Variants in GARNL3 observed in about 807,000 individuals in gnomAD.
GARNL3 encodes the protein GTPase activating Rap/RanGAP domain like 3.
GARNL3 carries 63 observed loss-of-function variants against 125.0 expected under a neutral mutation model. That is an observed-to-expected ratio of 0.50 (90% CI 0.41 to 0.62). The LOEUF is 0.62. GARNL3 is among the 20% of genes least tolerant of loss of function. The pLI is 0.00. For synonymous variants in GARNL3, 439 were observed against 457.5 expected, an observed-to-expected ratio of 0.96 and a Z score of 0.52; for missense variants, 994 against 1,244.0, an observed-to-expected ratio of 0.80 and a Z score of 3.02.
At chr9:127,390,560 AACCAAG>A (rs928824716) in intron 26 of GARNL3, 75 bp from the exon 27 acceptor site, 6 of 1,362,160 alleles carry the variant, frequency 4.4e-6, no homozygotes, top group Non-Finnish European at 2.0e-6. Context: ...ACCAGTTCCC[AACCAAG>A]AAAAAATAAG....
At chr9:127,377,292 G>C (rs1037847753) in intron 22 of GARNL3, among the ~76,000 whole-genome samples, 3 of 152,022 alleles carry the variant, frequency 2.0e-5, no homozygotes, top group Admixed American at 2.0e-4. Context: ...CAAATCTGTA[G>C]AGACATGATG....
upstream of GARNL3, chr9:127,264,202 A>T: frequency 2.6e-6 from 1 of 387,268 alleles, no homozygotes; most frequent in Non-Finnish European, 4.6e-6. Flanking sequence ...ATACTAACTA[A>T]TAAGATTTGT....
chr9:127,385,088 G>A lies in GARNL3; in HGVS notation c.2331G>A (p.Val777=), dbSNP rs1438824022. The change falls in exon 24 of 28, where the codon GTG becomes GTA. Residue 777 remains valine (V), a synonymous_variant. Coordinates refer to ENST00000373387, the MANE Select transcript of GARNL3 (RefSeq NM_032293.5). The surrounding 1 kb of genome is among the most constrained non-coding windows in gnomAD (Gnocchi z 4.1). Reference sequence around the variant, plus strand: ...ACTCCATGGAGATCCGCCTGGTGGTGAACGGGAACCTGGTCCACACTGCAG... The same window carrying A: ...ACTCCATGGAGATCCGCCTGGTGGTAAACGGGAACCTGGTCCACACTGCAG... ...TTDSMEIRLV[V]NGNLVHTAVV... is the part of the protein sequence containing the mutation. The A allele has an allele frequency of 1.9e-6, 3 of 1,612,908 alleles. No homozygotes were observed. The East Asian group carries it at 6.7e-5, about 36-fold the overall frequency.
At chr9:127,353,280 G>GA (rs1588914180) in intron 17 of GARNL3, among the ~76,000 whole-genome samples, 1 of 152,072 alleles carries the variant, frequency 6.6e-6, no homozygotes, top group Admixed American at 6.5e-5. Context: ...ATTCCTTTGG[G>GA]AAAAAATACT....
Position 127,265,030 on chromosome 9 carries a change from A to C in GARNL3, c.144+9A>C. 1 of 1,610,910 alleles carries C rather than the reference A, an allele frequency of 6.2e-7. No homozygotes were observed. The highest frequency in any genetic ancestry group is 8.5e-7 in the Non-Finnish European group (1 of 1,178,080). On this transcript the variant is annotated intron_variant, in intron 1 of 27. Transcript: ENST00000373387. Reference sequence around the variant, plus strand: ...ATGGATCTGTGGAGCTGGTAAGTTTATGCTGTCTGTTCAGTGGTAGTACAT... The same window carrying C: ...ATGGATCTGTGGAGCTGGTAAGTTTCTGCTGTCTGTTCAGTGGTAGTACAT...
At chr9:127,362,796 T>C (rs537565710) in intron 21 of GARNL3, 1 of 152,274 alleles carries the variant, frequency 6.6e-6, no homozygotes, top group Non-Finnish European at 1.5e-5. Context: ...CAGCCAACAT[T>C]GAGCATTTAC....
intron 1 of GARNL3, among the ~76,000 whole-genome samples, chr9:127,231,814 G>C (rs2063024392): frequency 1.3e-5 from 2 of 152,204 alleles, no homozygotes; most frequent in South Asian, 4.1e-4. Context: ...GCATAGATAG[G>C]AGGAGGGCTT....
chr9:127,383,898 C>T (rs1832404951), intron 23 of GARNL3, among the ~76,000 whole-genome samples: 1 of 152,176 alleles, frequency 6.6e-6, no homozygotes, highest in African/African-American at 2.4e-5. Context: ...CCTCAAAATG[C>T]TGACTGACCT....
intron 16 of GARNL3, among the ~76,000 whole-genome samples, chr9:127,346,777 C>G (rs992295389): frequency 6.6e-6 from 1 of 152,174 alleles, no homozygotes; most frequent in Non-Finnish European, 1.5e-5. Flanking sequence ...CCAGAGCCCC[C>G]TGCTGTTCCC....
chr9:127,288,653 G>A (rs2064321526), intron 1 of GARNL3, among the ~76,000 whole-genome samples: 2 of 152,170 alleles, frequency 1.3e-5, no homozygotes, highest in Admixed American at 6.5e-5. Flanking sequence ...CCATCAAATC[G>A]TTAAATTTGT....
At chr9:127,245,988 C>T (rs2063296651) in intron 2 of GARNL3, among the ~76,000 whole-genome samples, 1 of 152,140 alleles carries the variant, frequency 6.6e-6, no homozygotes, top group Non-Finnish European at 1.5e-5. Flanking sequence ...AACAACAGTC[C>T]AGTGCTGAAC....
At chr9:127,298,500 A>T (rs1256840881) in intron 2 of GARNL3, among the ~76,000 whole-genome samples, 2 of 152,152 alleles carry the variant, frequency 1.3e-5, no homozygotes, top group Non-Finnish European at 2.9e-5. Flanking sequence ...TTTCTTAGAA[A>T]ATATGGTTTT....
At chr9:127,269,014 T>C (rs1022742708) in intron 1 of GARNL3, among the ~76,000 whole-genome samples, 1 of 152,234 alleles carries the variant, frequency 6.6e-6, no homozygotes, top group African/African-American at 2.4e-5. Context: ...TTTGTCTGTT[T>C]GTGAGGCAGG....
intron 7 of GARNL3, among the ~76,000 whole-genome samples, chr9:127,330,921 A>G (rs1456064254): frequency 6.6e-6 from 1 of 152,154 alleles, no homozygotes; most frequent in Non-Finnish European, 1.5e-5. Context: ...ACAGCCTTAG[A>G]ACTTGGATTT....
At chr9:127,346,359 G>T (rs1830139119) in intron 16 of GARNL3, among the ~76,000 whole-genome samples, 1 of 152,152 alleles carries the variant, frequency 6.6e-6, no homozygotes, top group South Asian at 2.1e-4. Flanking sequence ...TATAGATGAT[G>T]TGAGCCTACG....
intron 1 of GARNL3, among the ~76,000 whole-genome samples, chr9:127,267,131 A>G (rs1003583235): frequency 1.3e-5 from 2 of 152,216 alleles, no homozygotes. Context: ...GACCTCAGCT[A>G]GGTCATCAGT....
rs150221380 is a variant in GARNL3, at chr9:127,393,144, G to C, written c.2932G>C (p.Ala978Pro). The change falls in exon 28 of 28, where the codon GCC (alanine) becomes CCC (proline). Residue 978 changes from alanine (A) to proline (P), a missense_variant. Around this residue, in one of 5 missense-constraint regions of GARNL3, gnomAD observed 728 missense variants for 865.7 expected, o/e 0.84. Coordinates refer to ENST00000373387, the MANE Select transcript of GARNL3 (RefSeq NM_032293.5). ...CGAAGCCAACCCTGAGGGGCACTCA[G>C]CCAGCTCTGACCAGGACCCTGTGGC... ...TSEANPEGHS[A>P]SSDQDPVADR... 5.0e-6 allele frequency: 8 copies of C among 1,612,686 alleles called. No homozygotes were observed. The African/African-American group carries it at 1.1e-4, about 22-fold the overall frequency.
exon 2 of GARNL3, chr9:127,243,086 G>T: frequency 7.4e-7 from 1 of 1,358,174 alleles, no homozygotes; most frequent in African/African-American, 1.5e-5. Flanking sequence ...CAGGACAGCT[G>T]CCCAGCCTCC....
At chr9:127,300,737 G>A (rs986648825) in intron 2 of GARNL3, 5 of 342,068 alleles carry the variant, frequency 1.5e-5, no homozygotes, top group East Asian at 1.8e-4. Flanking sequence ...TTACAGGCGC[G>A]AGCCACCGCG....
Sources: allele counts gnomAD v4.1 joint callset (sites outside exome capture counted in the v4.1 genomes callset), GRCh38; gene constraint gnomAD v4.1.1; regional missense constraint gnomAD v4.1.1; non-coding constraint Gnocchi (gnomAD v3.1); transcripts MANE v1.5; gene names NCBI Gene and HGNC (gene_info 2026-07-23, HGNC 2026-07-21).